The following DDX46 variants were observed in gnomAD, a reference collection of about 807,000 sequenced individuals.
DDX46 encodes DEAD-box helicase 46.
In DDX46, 30 loss-of-function variants were observed where a neutral mutation model predicts 134.9. The observed-to-expected ratio is 0.22, with a 90% CI of 0.17 to 0.30. The LOEUF is 0.30. DDX46 is among the 10% of genes least tolerant of loss of function. The pLI, the probability that DDX46 is intolerant of heterozygous loss-of-function variation, is 1.00. For missense variants in DDX46, 622 were observed against 1,248.7 expected (o/e 0.50, Z 7.56); for synonymous variants, 415 against 404.1 (o/e 1.03, Z -0.32).
intron 4 of DDX46, among the ~76,000 whole-genome samples, chr5:134,772,358 C>A (rs1490603255): frequency 6.6e-6 from 1 of 152,030 alleles, no homozygotes; most frequent in Non-Finnish European, 1.5e-5. Context: ...CCTGTCTCTA[C>A]TAAAAATACA....
chr5:134,778,243 C>T (rs974390932), intron 6 of DDX46, among the ~76,000 whole-genome samples: 1 of 152,066 alleles, frequency 6.6e-6, no homozygotes, highest in Non-Finnish European at 1.5e-5. Flanking sequence ...GTCTCGAATT[C>T]CTGGCCTCAA....
chr5:134,773,078 G>A (rs1291449932), intron 4 of DDX46, among the ~76,000 whole-genome samples: 1 of 151,940 alleles, frequency 6.6e-6, no homozygotes, highest in African/African-American at 2.4e-5. Flanking sequence ...GGGATTACAG[G>A]TGTAAGCCAC....
intron 2 of DDX46, among the ~76,000 whole-genome samples, chr5:134,766,218 T>G (rs956729541): frequency 1.3e-5 from 2 of 152,210 alleles, no homozygotes; most frequent in African/African-American, 4.8e-5. Context: ...TCAATCGATG[T>G]TAATTACAGA....
At chr5:134,766,688 T>G (rs542898087) in intron 2 of DDX46, among the ~76,000 whole-genome samples, 1 of 152,332 alleles carries the variant, frequency 6.6e-6, no homozygotes, top group East Asian at 1.9e-4. Flanking sequence ...GCCACTGCAC[T>G]CCAGCCTGGG....
Position 134,783,775 on chromosome 5 carries a change from T to C in DDX46, c.1167-591T>C, listed in dbSNP as rs1754243854. 2.0e-5 allele frequency among the ~76,000 whole-genome samples: 3 copies of C among 150,870 alleles called. No homozygotes were observed. In the South Asian group the frequency reaches 6.3e-4, roughly 32 times the overall value. On this transcript the variant is annotated intron_variant, in intron 9 of 22. Coordinates refer to ENST00000452510, the MANE Select transcript of DDX46 (RefSeq NM_001300860.2). ...TGTTGGTGAGGGTGGTCTCGAACTC[T>C]CTACCTCAGATGATCCACCCGCTGC...
intron 5 of DDX46, among the ~76,000 whole-genome samples, chr5:134,776,969 T>C (rs186037076): frequency 6.6e-6 from 1 of 150,784 alleles, no homozygotes; most frequent in Admixed American, 6.6e-5. Context: ...TCCCAGCACT[T>C]TGGGAGGCCG....
intron 20 of DDX46, among the ~76,000 whole-genome samples, chr5:134,817,915 A>G (rs1489407983): frequency 6.6e-6 from 1 of 151,176 alleles, no homozygotes; most frequent in Non-Finnish European, 1.5e-5. Context: ...GCAGGTATGT[A>G]TTAATAATGA....
Position 134,758,950 on chromosome 5 carries a change from G to A in DDX46, c.12G>A (p.Glu4=), listed in dbSNP as rs1174799545. The A allele has an allele frequency of 1.2e-6, 2 of 1,612,558 alleles. No homozygotes were observed. The highest frequency in any genetic ancestry group is 1.7e-6 in the Non-Finnish European group (2 of 1,179,862). Residue 4 remains glutamate (E), a synonymous_variant, in exon 1 of 23, where the codon GAG becomes GAA. Transcript: ENST00000452510. MGR[E]SRHYRKRSAS... ...CCGCGGTCGGCAGCATGGGTCGGGA[G>A]TCACGGTGAGGCAGAGCGCCGAGCG...
At position 134,830,580 on chromosome 5, in the gene DDX46, G is replaced by A. The variant is rs551553294; in HGVS notation, c.*1874G>A. ...AGTATATTCAGTGGCTGAAGTGATA[G>A]GGAGTATTAATCATTATTTCTTCAG... On this transcript the variant is annotated 3_prime_UTR_variant, in exon 23 of 23. Coordinates refer to ENST00000452510, the MANE Select transcript of DDX46 (RefSeq NM_001300860.2). 3 of 152,306 alleles carry A rather than the reference G, an allele frequency of 2.0e-5. No individual in the cohort carries two copies. The East Asian group carries it at 5.8e-4, about 29-fold the overall frequency. The allele number at this position is 152,306 out of a possible 1,614,324, so 9.4% of individuals were successfully genotyped here. A position where few individuals can be genotyped will look rare whatever the true frequency, so the allele number is the denominator to read the frequency against.
intron 15 of DDX46, chr5:134,805,125 T>G (rs1754942758): frequency 9.4e-6 from 2 of 213,444 alleles, no homozygotes; most frequent in Non-Finnish European, 2.0e-5. Context: ...TGTCAAATGC[T>G]TGACCATTCT....
chr5:134,779,664 AATTGTTT>A (rs1299003157), intron 6 of DDX46, among the ~76,000 whole-genome samples: 1 of 151,996 alleles, frequency 6.6e-6, no homozygotes, highest in African/African-American at 2.4e-5. Flanking sequence ...ACATCTGGCT[AATTGTTT>A]ATAGAGATGG....
At chr5:134,780,828 A>G (rs1192574439) in intron 6 of DDX46, 1 of 167,784 alleles carries the variant, frequency 6.0e-6, no homozygotes, top group Non-Finnish European at 1.3e-5. Flanking sequence ...CAAGTAGTTC[A>G]AGACCAGCCT....
intron 12 of DDX46, among the ~76,000 whole-genome samples, chr5:134,788,993 AAG>A (rs1298406499): frequency 7.2e-5 from 11 of 152,160 alleles, no homozygotes; most frequent in African/African-American, 2.7e-4. Context: ...TGCTTAGTAA[AAG>A]AGTGGGGTAG....
chr5:134,769,494 C>G (rs1489375150), intron 3 of DDX46, among the ~76,000 whole-genome samples: 4 of 148,328 alleles, frequency 2.7e-5, no homozygotes, highest in Admixed American at 6.7e-5. Flanking sequence ...CCATACCCAG[C>G]TGATTTTTGT....
At chr5:134,811,951 C>T (rs780530896) in intron 18 of DDX46, 106 bp downstream of exon 18, 175 of 1,375,260 alleles carry the variant, frequency 1.3e-4, no homozygotes, top group Non-Finnish European at 1.6e-4. Context: ...GAAACCTTTA[C>T]AAGAGGTTGG....
chr5:134,805,590 A>G (rs931194219), intron 15 of DDX46, among the ~76,000 whole-genome samples: 1 of 150,568 alleles, frequency 6.6e-6, no homozygotes, highest in Admixed American at 6.6e-5. Flanking sequence ...GTGCAGTGGC[A>G]TGATCTTGGC....
chr5:134,785,580 T>C lies in DDX46; in HGVS notation c.1458T>C (p.Ser486=), dbSNP rs1754306304. The change falls in exon 11 of 23, where the codon AGT becomes AGC. Residue 486 remains serine, a synonymous_variant. Transcript: ENST00000452510. ...GTGTTTACGGAGGAACAGGAATCAG[T>C]GAGCAGGTAGTTATATAAGAAACAT... ...VVCVYGGTGI[S]EQIAELKRGA... 1.2e-6 allele frequency: 2 copies of C among 1,608,202 alleles called. No individual in the cohort carries two copies. Among genetic ancestry groups the C allele is most frequent in the African/African-American group, 1.3e-5 (1 of 74,662 alleles).
chr5:134,774,130 A>C (rs1332244411), intron 5 of DDX46, among the ~76,000 whole-genome samples: 1 of 151,986 alleles, frequency 6.6e-6, no homozygotes, highest in Non-Finnish European at 1.5e-5. Context: ...TTTTCTCGCT[A>C]CTTCTTGTGA....
intron 2 of DDX46, among the ~76,000 whole-genome samples, chr5:134,764,647 G>T (rs1753502743): frequency 6.6e-6 from 1 of 152,118 alleles, no homozygotes. Flanking sequence ...GACATCCCTT[G>T]AAGCCCTCTG....
Sources: allele counts gnomAD v4.1 joint callset (sites outside exome capture counted in the v4.1 genomes callset), GRCh38; gene constraint gnomAD v4.1.1; transcripts MANE v1.5; gene names NCBI Gene and HGNC (gene_info 2026-07-23, HGNC 2026-07-21).